The following RNGTT variants were observed in gnomAD, a reference collection of about 807,000 sequenced individuals.
RNGTT encodes mRNA-capping enzyme.
Under a neutral mutation model 79.3 loss-of-function variants are expected in RNGTT, and 33 were observed. That is an observed-to-expected ratio of 0.42 (90% CI 0.32 to 0.56). The LOEUF (loss-of-function observed/expected upper bound fraction) is 0.56. RNGTT is among the 20% of genes least tolerant of loss of function. RNGTT has a pLI of 0.17. For synonymous variants in RNGTT, 222 were observed against 235.9 expected, an observed-to-expected ratio of 0.94 and a Z score of 0.54; for missense variants, 497 against 739.1, an observed-to-expected ratio of 0.67 and a Z score of 3.80.
At chr6:88,894,644 C>G (rs1783171323) in intron 6 of RNGTT, among the ~76,000 whole-genome samples, 1 of 152,142 alleles carries the variant, frequency 6.6e-6, no homozygotes, top group South Asian at 2.1e-4. Flanking sequence ...GGATATCATC[C>G]CCATATGTGA....
intron 14 of RNGTT, among the ~76,000 whole-genome samples, chr6:88,616,410 T>G (rs1438032492): frequency 6.6e-6 from 1 of 152,202 alleles, no homozygotes; most frequent in African/African-American, 2.4e-5. Context: ...TTTAATCTTT[T>G]GAGGACCCCT....
intron 13 of RNGTT, among the ~76,000 whole-genome samples, chr6:88,709,585 G>C (rs1488382039): frequency 1.3e-5 from 2 of 152,122 alleles, no homozygotes; most frequent in African/African-American, 4.8e-5. Flanking sequence ...TATTAAAAAA[G>C]ATGAATTTTA....
chr6:88,733,968 G>GA (rs1321901661), intron 13 of RNGTT, among the ~76,000 whole-genome samples: 1 of 151,492 alleles, frequency 6.6e-6, no homozygotes, highest in African/African-American at 2.4e-5. Context: ...TTAACAGAGA[G>GA]AAAAAAAAGA....
In RNGTT at chr6:88,637,833, G is replaced by A. The variant is rs73492455; in HGVS notation, c.1507-23438C>T. ...CTATTTTTAAAAATGACTTTTATGAGCCTGGTATTGTGCTAGGTGCTTTAT... is the reference window on the plus strand; with the variant it reads ...CTATTTTTAAAAATGACTTTTATGAACCTGGTATTGTGCTAGGTGCTTTAT... On this transcript the variant is annotated intron_variant, in intron 14 of 15. Coordinates refer to ENST00000369485, the MANE Select transcript of RNGTT (RefSeq NM_003800.5). Among the ~76,000 whole-genome samples, 304 of 152,192 alleles carry A rather than the reference G, an allele frequency of 2.0e-3. 2 individuals are homozygous for A. Among genetic ancestry groups the A allele is most frequent in the African/African-American group, 7.2e-3 (298 of 41,540 alleles).
chr6:88,702,913 A>AT (rs1445625772), intron 13 of RNGTT, among the ~76,000 whole-genome samples: 1 of 152,202 alleles, frequency 6.6e-6, no homozygotes, highest in Non-Finnish European at 1.5e-5. Flanking sequence ...GATCTCTCAA[A>AT]ATTCGACACA....
rs575586968 is a variant in RNGTT, at chr6:88,733,377, C to CA, written c.1439+36396dup. On this transcript the variant is annotated intron_variant, in intron 13 of 15. Coordinates refer to ENST00000369485, the MANE Select transcript of RNGTT (RefSeq NM_003800.5). ...CTGTCTTCACCCCCCACCCCCCCTC[C>CA]AAAAAAAAGAAAAAAGAAATGTCCC... Among the ~76,000 whole-genome samples the CA allele has an allele frequency of 2.6e-3, 379 of 146,832 alleles. 1 individual carries two copies. Among genetic ancestry groups the CA allele is most frequent in the Non-Finnish European group, 4.3e-3 (289 of 66,702 alleles).
intron 12 of RNGTT, among the ~76,000 whole-genome samples, chr6:88,772,119 T>C (rs937811518): frequency 2.0e-5 from 3 of 151,654 alleles, no homozygotes; most frequent in African/African-American, 7.3e-5. Context: ...GTCAAGGCTA[T>C]AGTGAGCCAT....
At chr6:88,657,688 G>A (rs1412787431) in intron 14 of RNGTT, among the ~76,000 whole-genome samples, 5 of 152,076 alleles carry the variant, frequency 3.3e-5, no homozygotes, top group African/African-American at 1.2e-4. Flanking sequence ...TCTGCTTCCC[G>A]CTCCATGAAT....
intron 13 of RNGTT, among the ~76,000 whole-genome samples, chr6:88,754,612 G>A (rs1393653444): frequency 6.6e-6 from 1 of 152,162 alleles, no homozygotes; most frequent in Non-Finnish European, 1.5e-5. Context: ...CCCTAAACTG[G>A]CCATAAACAA....
intron 13 of RNGTT, among the ~76,000 whole-genome samples, chr6:88,719,163 A>G (rs1776622266): frequency 6.6e-6 from 1 of 152,190 alleles, no homozygotes; most frequent in Admixed American, 6.6e-5. Context: ...CATCATGGTT[A>G]GCCTTCTTCA....
intron 4 of RNGTT, among the ~76,000 whole-genome samples, chr6:88,919,581 T>C (rs2127949524): frequency 6.6e-6 from 1 of 152,142 alleles, no homozygotes; most frequent in East Asian, 1.9e-4. Context: ...TTGGCCTTGG[T>C]CTTCTGGGAT....
chr6:88,845,559 T>C (rs1183921616), intron 10 of RNGTT, among the ~76,000 whole-genome samples: 7 of 152,208 alleles, frequency 4.6e-5, no homozygotes, highest in African/African-American at 1.2e-4. Context: ...AAGTGCATTT[T>C]TCCCCCATCT....
chr6:88,632,521 A>AACT (rs1170282081), intron 14 of RNGTT, among the ~76,000 whole-genome samples: 15 of 141,126 alleles, frequency 1.1e-4, no homozygotes, highest in South Asian at 9.4e-4. Flanking sequence ...TATAGCAACC[A>AACT]ACTACAGACA....
At chr6:88,631,027 A>G (rs1419429070) in intron 14 of RNGTT, among the ~76,000 whole-genome samples, 1 of 152,182 alleles carries the variant, frequency 6.6e-6, no homozygotes, top group Non-Finnish European at 1.5e-5. Flanking sequence ...ATGCAGCACC[A>G]TGGCTGCTCA....
At chr6:88,864,503 T>C (rs1234128352) in intron 8 of RNGTT, among the ~76,000 whole-genome samples, 2 of 152,120 alleles carry the variant, frequency 1.3e-5, no homozygotes, top group African/African-American at 4.8e-5. Context: ...CACTCTACTA[T>C]AGTGGTTAAG....
chr6:88,719,655 C>T (rs1332774087), intron 13 of RNGTT, among the ~76,000 whole-genome samples: 1 of 152,096 alleles, frequency 6.6e-6, no homozygotes, highest in African/African-American at 2.4e-5. Context: ...GGCTAAAGAA[C>T]TCAATTTAAA....
intron 11 of RNGTT, among the ~76,000 whole-genome samples, chr6:88,809,494 T>TC (rs1554219812): frequency 6.6e-6 from 1 of 152,158 alleles, no homozygotes; most frequent in Non-Finnish European, 1.5e-5. Context: ...TGCTTTTTTT[T>TC]CCTAAATGCG....
chr6:88,806,664 C>T (rs901588307), intron 11 of RNGTT, among the ~76,000 whole-genome samples: 1 of 152,070 alleles, frequency 6.6e-6, no homozygotes, highest in Non-Finnish European at 1.5e-5. Flanking sequence ...ATTAGTTCAA[C>T]CATTGTGGAA....
At chr6:88,625,663 A>G (rs911379521) in intron 14 of RNGTT, among the ~76,000 whole-genome samples, 2 of 151,938 alleles carry the variant, frequency 1.3e-5, no homozygotes, top group East Asian at 3.9e-4. Context: ...TCTTGATTCT[A>G]GTAGTGGCTC....
Sources: gnomAD v4.1 joint callset for allele counts (sites outside exome capture counted in the v4.1 genomes callset) on GRCh38, gnomAD v4.1.1 for gene constraint, MANE v1.5 for transcripts, NCBI Gene and HGNC (gene_info 2026-07-23, HGNC 2026-07-21) for gene names.